DPP10: variants seen among roughly 807,000 people sequenced by gnomAD.
DPP10 encodes inactive dipeptidyl peptidase 10.
DPP10 carries 33 observed loss-of-function variants against 120.9 expected under a neutral mutation model. The observed-to-expected ratio is 0.27, with a 90% CI of 0.21 to 0.37. DPP10 has a LOEUF of 0.37. Among genes scored for constraint, DPP10 ranks in the 10% least tolerant of loss-of-function variants. DPP10 has a pLI of 1.00. For missense variants in DPP10, 816 were observed against 942.8 expected (o/e 0.87, Z 1.76); for synonymous variants, 337 against 326.1 (o/e 1.03, Z -0.36).
chr2:115,165,299 G>C (rs867442448), intron 1 of DPP10, among the ~76,000 whole-genome samples: 13 of 152,168 alleles, frequency 8.5e-5, no homozygotes, highest in Non-Finnish European at 1.8e-4. Context: ...GATTAAGGAA[G>C]TTATTGTGGA....
intron 3 of DPP10, among the ~76,000 whole-genome samples, chr2:115,423,781 G>C (rs1057252779): frequency 1.3e-5 from 2 of 152,146 alleles, no homozygotes; most frequent in Non-Finnish European, 2.9e-5. Flanking sequence ...GAAAGCTACA[G>C]TTGTTTGGTT....
chr2:115,283,417 C>G (rs939468691), intron 1 of DPP10, among the ~76,000 whole-genome samples: 1 of 151,978 alleles, frequency 6.6e-6, no homozygotes, highest in African/African-American at 2.4e-5. Context: ...GCTAATTCTT[C>G]TCATACTAAT....
intron 5 of DPP10, among the ~76,000 whole-genome samples, chr2:115,635,991 G>T (rs2086292831): frequency 6.6e-6 from 1 of 152,108 alleles, no homozygotes; most frequent in South Asian, 2.1e-4. Context: ...AAAATGGAAA[G>T]ATCATACAGT....
intron 19 of DPP10, among the ~76,000 whole-genome samples, chr2:115,803,744 T>A (rs144971976): frequency 0.018 from 2,750 of 152,278 alleles, 86 homozygotes; most frequent in African/African-American, 0.061. Context: ...TCTTTAAGAA[T>A]GTTAAATATT....
intron 1 of DPP10, among the ~76,000 whole-genome samples, chr2:115,046,238 A>C (rs1214680691): frequency 1.3e-5 from 2 of 152,210 alleles, no homozygotes; most frequent in Non-Finnish European, 2.9e-5. Context: ...TAGAGCAATG[A>C]CCATGTCAGC....
chr2:114,799,667 A>T (rs186363241), intron 1 of DPP10, among the ~76,000 whole-genome samples: 1 of 152,332 alleles, frequency 6.6e-6, no homozygotes, highest in East Asian at 1.9e-4. Context: ...AGTGGCAAGC[A>T]ACTAGTTTTT....
At chr2:115,208,540 C>A (rs901554789) in intron 1 of DPP10, among the ~76,000 whole-genome samples, 1 of 152,148 alleles carries the variant, frequency 6.6e-6, no homozygotes, top group Non-Finnish European at 1.5e-5. Flanking sequence ...TGACTTTGAG[C>A]AATGCATTCC....
chr2:115,486,129 G>A (rs548707088), intron 3 of DPP10, among the ~76,000 whole-genome samples: 57 of 151,998 alleles, frequency 3.8e-4, no homozygotes, highest in African/African-American at 1.3e-3. Context: ...TTTTAAAATC[G>A]GAAAATATAA....
chr2:115,348,611 C>A lies in DPP10; in HGVS notation c.271+4699C>A, dbSNP rs144514223. ...TTTTGAGCTATTAGATAAAATCAAT[C>A]AAGTGCTATTTTATTTTTAAACTTT... On this transcript the variant is annotated intron_variant, in intron 3 of 25. Coordinates refer to ENST00000410059, the MANE Select transcript of DPP10 (RefSeq NM_020868.6). Among the ~76,000 whole-genome samples the A allele has an allele frequency of 1.3e-4, 20 of 152,188 alleles. No individual in the cohort carries two copies. The East Asian group carries it at 3.9e-3, about 29-fold the overall frequency.
rs900400488 is a variant in DPP10, at chr2:114,456,793, T to C, written c.60+13955T>C. ...AAAATAGGGCATAAGAGGCAGCATA[T>C]GTTCTAGAGATCACTAGAGTACAAT... On this transcript the variant is annotated intron_variant, in intron 1 of 25. Transcript: ENST00000410059. Among the ~76,000 whole-genome samples, 4 of 152,202 alleles carry C rather than the reference T, an allele frequency of 2.6e-5. No individual in the cohort carries two copies. The East Asian group carries it at 7.7e-4, about 29-fold the overall frequency.
chr2:114,642,487 T>C (rs1164354021), intron 1 of DPP10, among the ~76,000 whole-genome samples: 4 of 151,952 alleles, frequency 2.6e-5, no homozygotes, highest in African/African-American at 9.7e-5. Context: ...TTACACATAC[T>C]TCATACAAGT....
chr2:115,221,163 G>A (rs2105417135), intron 1 of DPP10, among the ~76,000 whole-genome samples: 1 of 152,150 alleles, frequency 6.6e-6, no homozygotes, highest in South Asian at 2.1e-4. Context: ...TTGAATTAAA[G>A]TACGTCACAA....
chr2:115,484,392 T>G (rs2105295916), intron 3 of DPP10, among the ~76,000 whole-genome samples: 1 of 152,216 alleles, frequency 6.6e-6, no homozygotes, highest in East Asian at 1.9e-4. Context: ...ACTTCTTTCT[T>G]AACAACCAAC....
chr2:114,748,351 A>AT lies in DPP10; in HGVS notation c.60+305522dup, dbSNP rs1458478614. Among the ~76,000 whole-genome samples the AT allele has an allele frequency of 4.1e-4, 42 of 101,276 alleles. 2 individuals carry two copies. The highest frequency in any genetic ancestry group is 1.8e-3 in the Admixed American group (18 of 9,798). The allele number at this position is 101,276 out of a possible 152,430, so 66.4% of individuals were successfully genotyped here. On this transcript the variant is annotated intron_variant, in intron 1 of 25. Transcript: ENST00000410059. ...AAAGGGAATTTTCTTTTTTTTTTTT[A>AT]TTTTTTTTTATTTTATTTATTTATT... is the stretch of plus-strand genomic sequence containing the variant.
chr2:115,120,243 A>C (rs1298924727), intron 1 of DPP10, among the ~76,000 whole-genome samples: 1 of 152,168 alleles, frequency 6.6e-6, no homozygotes, highest in Non-Finnish European at 1.5e-5. Context: ...ACCAGCTATA[A>C]TGCCAAGTCC....
At chr2:115,320,743 C>G (rs1328339390) in intron 2 of DPP10, among the ~76,000 whole-genome samples, 1 of 151,962 alleles carries the variant, frequency 6.6e-6, no homozygotes, top group East Asian at 1.9e-4. Context: ...AAAGATGAGT[C>G]ACAAGCCAAA....
chr2:114,902,663 G>A (rs957382600), intron 1 of DPP10, among the ~76,000 whole-genome samples: 5 of 152,130 alleles, frequency 3.3e-5, no homozygotes, highest in Admixed American at 6.6e-5. Flanking sequence ...GTGCAACTTT[G>A]TGTTTACAGC....
intron 1 of DPP10, among the ~76,000 whole-genome samples, chr2:114,694,517 G>T (rs1434771468): frequency 6.6e-6 from 1 of 151,926 alleles, no homozygotes; most frequent in Non-Finnish European, 1.5e-5. Context: ...GGAGAAATTT[G>T]CAAATTAGGA....
intron 5 of DPP10, among the ~76,000 whole-genome samples, chr2:115,599,973 A>C (rs147959695): frequency 6.6e-6 from 1 of 152,072 alleles, no homozygotes; most frequent in Non-Finnish European, 1.5e-5. Context: ...CACTGAATTA[A>C]GGGTTCCTTT....
Sources: gnomAD v4.1 joint callset for allele counts (sites outside exome capture counted in the v4.1 genomes callset) on GRCh38, gnomAD v4.1.1 for gene constraint, MANE v1.5 for transcripts, NCBI Gene and HGNC (gene_info 2026-07-23, HGNC 2026-07-21) for gene names.